POLE: variants seen among roughly 807,000 people sequenced by gnomAD.
POLE encodes the protein DNA polymerase epsilon, catalytic subunit, also known as DNA polymerase epsilon catalytic subunit A.
A neutral mutation model predicts 279.2 loss-of-function variants in POLE; 188 were observed. That is an observed-to-expected ratio of 0.67 (90% confidence interval 0.60 to 0.76). The LOEUF (loss-of-function observed/expected upper bound fraction) is 0.76, where lower values mean the gene tolerates loss of function less well. Ranked by LOEUF, POLE falls within the 30% of genes least tolerant of loss-of-function variation. The pLI is 0.00. For synonymous variants in POLE, 1,214 were observed against 1,172.5 expected (o/e 1.04, Z -0.72); for missense variants, 2,703 against 3,016.7 (o/e 0.90, Z 2.44).
chr12:132,671,678 G>GAAAAAAAAAAAAAA (rs59237637), intron 16 of POLE, among the ~76,000 whole-genome samples: 1 of 72,550 alleles, frequency 1.4e-5, no homozygotes, highest in Admixed American at 1.9e-4. Context: ...CTCAAAAAGG[G>GAAAAAAAAAAAAAA]AAAAAAAAAA....
At chr12:132,658,016 C>T in intron 26 of POLE, 46 bp from the exon 27 acceptor site, 1 of 1,193,720 alleles carries the variant, frequency 8.4e-7, no homozygotes, top group Non-Finnish European at 1.3e-6. Context: ...GTGAAAATCA[C>T]CCAAAATCTG....
rs776966903 is a variant in POLE, at chr12:132,634,788, G to A, written c.5812-410C>T. On this transcript the variant is annotated intron_variant, in intron 42 of 48. Transcript: ENST00000320574. This position sits in a 1 kb window ranked among gnomAD's most constrained non-coding sequence, Gnocchi z 4.0. ...CCCGCGCAGCCTGTGTTCGTGCCAC[G>A]GCACCATCCACGTCTGTGTAGACAC... Among the ~76,000 whole-genome samples the A allele has an allele frequency of 6.6e-6, 1 of 152,116 alleles. No individual in the cohort carries two copies. Among genetic ancestry groups the A allele is most frequent in the Admixed American group, 6.5e-5 (1 of 15,278 alleles).
chr12:132,632,922 A>C lies in POLE; in HGVS notation c.6005-127T>G. On this transcript the variant is annotated intron_variant, in intron 43 of 48. Transcript: ENST00000320574. ...CTAAAATGTCATTGTTAATAATTTT[A>C]TCTGCAGCCTTTAGATGAGCTAAAA... 3 of 1,066,672 alleles carry C rather than the reference A, an allele frequency of 2.8e-6. No homozygotes were observed. In the South Asian group the frequency reaches 4.7e-5, roughly 17 times the overall value. The allele number at this position is 1,066,672 out of a possible 1,614,324, so 66.1% of individuals were successfully genotyped here. A position where few individuals can be genotyped will look rare whatever the true frequency, so the allele number is the denominator to read the frequency against.
At chr12:132,680,491 T>G in intron 3 of POLE, 116 bp downstream of exon 3, 1 of 819,226 alleles carries the variant, frequency 1.2e-6, no homozygotes, top group Middle Eastern at 2.5e-4. Flanking sequence ...GGGCCCGAGT[T>G]CTGCTGGGCT....
In POLE at chr12:132,635,848, C is replaced by T. The variant is rs762771232; in HGVS notation, c.5811+44G>A. On this transcript the variant is annotated intron_variant, in intron 42 of 48. Coordinates refer to ENST00000320574, the MANE Select transcript of POLE (RefSeq NM_006231.4). Reference sequence around the variant, plus strand: ...TCAGCACTTGCTGCAGGAATGAACGCGACCCCCAAAGCTGGCTCGGGTGCC... The same window carrying T: ...TCAGCACTTGCTGCAGGAATGAACGTGACCCCCAAAGCTGGCTCGGGTGCC... The T allele has an allele frequency of 2.9e-5, 46 of 1,576,518 alleles. No homozygotes were observed. In the Middle Eastern group the frequency reaches 8.5e-4, roughly 29 times the overall value.
chr12:132,625,171 G>A (rs1194927249), intron 47 of POLE, 177 bp from the exon 48 acceptor site: 3 of 681,074 alleles, frequency 4.4e-6, no homozygotes, highest in African/African-American at 1.8e-5. Flanking sequence ...CACGGTGCCA[G>A]CGCCTTCCCT....
chr12:132,647,582 TATC>T (rs2042314728), intron 32 of POLE, among the ~76,000 whole-genome samples: 1 of 152,186 alleles, frequency 6.6e-6, no homozygotes, highest in South Asian at 2.1e-4. Context: ...AATCTGAAGA[TATC>T]ATCCTGGAGC....
rs769908943 is a variant in POLE at position 132,632,429 on chromosome 12, C to T, written c.6216G>A (p.Lys2072=). Residue 2072 remains lysine (K), a synonymous_variant, in exon 45 of 49, where the codon AAG becomes AAA. Coordinates refer to ENST00000320574, the MANE Select transcript of POLE (RefSeq NM_006231.4). The part of the protein sequence containing the change: ...SFFTITQKIQ[K]KVTGSRNSTE... ...TGGAGTTCCGAGAGCCTGTGACTTTCTTCTGAATCTTCTGAGTGATGGTGA... is the reference window on the plus strand; with the variant it reads ...TGGAGTTCCGAGAGCCTGTGACTTTTTTCTGAATCTTCTGAGTGATGGTGA... The T allele has an allele frequency of 1.2e-5, 19 of 1,613,920 alleles. No homozygotes were observed. The highest frequency in any genetic ancestry group is 5.1e-6 in the Non-Finnish European group (6 of 1,179,906).
chr12:132,639,000 T>G (rs994026715), intron 40 of POLE, 125 bp downstream of exon 40: 2 of 824,306 alleles, frequency 2.4e-6, no homozygotes, highest in Non-Finnish European at 2.0e-6. Flanking sequence ...ATTGTTATGC[T>G]CCACAAACTC....
intron 32 of POLE, among the ~76,000 whole-genome samples, chr12:132,647,607 C>A (rs996983728): frequency 2.0e-5 from 3 of 152,248 alleles, no homozygotes; most frequent in Admixed American, 1.3e-4. Context: ...CCATGGACCC[C>A]ACGAGACATG....
Position 132,675,921 on chromosome 12 carries a change from C to G in POLE, c.1021-101G>C. ...CAGAAGCAGCAGCCTCATGTTGGCC[C>G]TTATTCCTGCCCCGCCCCTCCGCCC... On this transcript the variant is annotated intron_variant, in intron 10 of 48. Coordinates refer to ENST00000320574, the MANE Select transcript of POLE (RefSeq NM_006231.4). The surrounding 1 kb of genome is among the most constrained non-coding windows in gnomAD (Gnocchi z 4.3). 9.5e-7 allele frequency: 1 copy of G among 1,055,020 alleles called. No homozygotes were observed. Among genetic ancestry groups the G allele is most frequent in the South Asian group, 1.3e-5 (1 of 76,986 alleles). 65.4% of individuals were successfully genotyped at this position (1,055,020 alleles called of 1,614,324 possible). A position where few individuals can be genotyped will look rare whatever the true frequency, so the allele number is the denominator to read the frequency against.
chr12:132,633,752 C>G (rs999424250), intron 43 of POLE: 3 of 159,334 alleles, frequency 1.9e-5, no homozygotes, highest in African/African-American at 7.2e-5. Flanking sequence ...CATAGGAACT[C>G]CCCCACCAGA....
intron 26 of POLE, among the ~76,000 whole-genome samples, chr12:132,658,897 A>AG: frequency 6.6e-6 from 1 of 151,126 alleles, no homozygotes; most frequent in Admixed American, 6.6e-5. Context: ...AAAAAAAAAA[A>AG]AAAAAAAAAA....
At chr12:132,645,624 G>A (rs775484533) in intron 32 of POLE, among the ~76,000 whole-genome samples, 13 of 152,170 alleles carry the variant, frequency 8.5e-5, no homozygotes, top group East Asian at 1.9e-4. Context: ...AACCTGACAC[G>A]CTAAAGGATT....
At chr12:132,632,188 T>C in intron 45 of POLE, 127 bp downstream of exon 45, 1 of 722,752 alleles carries the variant, frequency 1.4e-6, no homozygotes, top group South Asian at 1.8e-5. Context: ...TCGGTGTCCT[T>C]ATCTTGCACA....
chr12:132,668,212 CTTACAGTGACCTAGAGCAGCT>C lies in POLE; in HGVS notation c.2173+123_2173+143del. The C allele has an allele frequency of 5.7e-6, 5 of 882,838 alleles. No homozygotes were observed. Among genetic ancestry groups the C allele is most frequent in the Non-Finnish European group, 8.4e-6 (5 of 596,724 alleles). The allele number at this position is 882,838 out of a possible 1,614,324, so 54.7% of individuals were successfully genotyped here. A position where few individuals can be genotyped will look rare whatever the true frequency, so the allele number is the denominator to read the frequency against. On this transcript the variant is annotated intron_variant, in intron 19 of 48. Transcript: ENST00000320574. The surrounding 1 kb of genome is among the most constrained non-coding windows in gnomAD (Gnocchi z 4.0). ...AAAGGACCCTGCAGTGAGAGCACAGCTTACAGTGACCTAGAGCAGCTTCTGGTCTGCTGTGACAACACCTCT... is the reference window on the plus strand; with the variant it reads ...AAAGGACCCTGCAGTGAGAGCACAGCTCTGGTCTGCTGTGACAACACCTCT...
chr12:132,628,675 C>CAAAACA (rs1555301624), intron 45 of POLE, among the ~76,000 whole-genome samples: 3 of 128,932 alleles, frequency 2.3e-5, no homozygotes, highest in Admixed American at 8.2e-5. Context: ...CAAAACAAAA[C>CAAAACA]AAAACAAAAC....
rs1009417985 is a variant in POLE at position 132,668,201 on chromosome 12, T to C, written c.2173+155A>G. On this transcript the variant is annotated intron_variant, in intron 19 of 48. Coordinates refer to ENST00000320574, the MANE Select transcript of POLE (RefSeq NM_006231.4). This position sits in a 1 kb window ranked among gnomAD's most constrained non-coding sequence, Gnocchi z 4.0. ...GGGAAGCAAATAAAGGACCCTGCAG[T>C]GAGAGCACAGCTTACAGTGACCTAG... is the stretch of plus-strand genomic sequence containing the variant. Among the ~76,000 whole-genome samples the C allele has an allele frequency of 6.6e-6, 1 of 152,106 alleles. No homozygotes were observed. The highest frequency in any genetic ancestry group is 1.5e-5 in the Non-Finnish European group (1 of 68,014).
At chr12:132,676,468 G>C in intron 9 of POLE, 78 bp downstream of exon 9, 1 of 934,980 alleles carries the variant, frequency 1.1e-6, no homozygotes, top group Non-Finnish European at 1.8e-6. Context: ...ACTAACAGTG[G>C]GGCAGATGCT....
Sources: gnomAD v4.1 joint callset for allele counts (sites outside exome capture counted in the v4.1 genomes callset) on GRCh38, gnomAD v4.1.1 for gene constraint, Gnocchi (gnomAD v3.1) non-coding constraint, MANE v1.5 for transcripts, NCBI Gene and HGNC (gene_info 2026-07-23, HGNC 2026-07-21) for gene names.